The following LARS1 variants were observed in gnomAD, a reference collection of about 807,000 sequenced individuals.
LARS1 encodes leucine--tRNA ligase, cytoplasmic.
A neutral mutation model predicts 162.8 loss-of-function variants in LARS1; 100 were observed. The ratio of observed to expected loss-of-function variants is 0.61; its 90% CI spans 0.52 to 0.73. The LOEUF is 0.73. Ranked by LOEUF, LARS1 falls within the 30% of genes least tolerant of loss-of-function variation. The pLI is 0.00. For synonymous variants in LARS1, 457 were observed against 462.8 expected (o/e 0.99, Z 0.16); for missense variants, 1,258 against 1,408.9 (o/e 0.89, Z 1.71).
In LARS1 at chr5:146,157,749, T is replaced by C; in HGVS notation, c.818A>G (p.Glu273Gly). 3.1e-6 allele frequency: 5 copies of C among 1,614,132 alleles called. No homozygotes were observed. Among genetic ancestry groups the C allele is most frequent in the Non-Finnish European group, 3.4e-6 (4 of 1,180,008 alleles). Residue 273 changes from glutamate to glycine, a missense_variant, in exon 9 of 32, where the codon GAG becomes GGG. By Grantham distance (98) the Glu-to-Gly change is moderately conservative. Transcript: ENST00000394434. ...EYTLLKLKVL[E>G]PYPSKLSGLK... is the part of the protein sequence containing the mutation. ...CTACCTTAATTTAGATGGGTATGGC[T>C]CAAGCACCTTCAATTTGAGTAAAGT...
At chr5:146,153,836 T>A (rs1377374943) in intron 11 of LARS1, 26 bp from the exon 12 acceptor site, 1 of 1,611,344 alleles carries the variant, frequency 6.2e-7, no homozygotes, top group Admixed American at 1.7e-5. Flanking sequence ...GTGGAATTAA[T>A]AACTAGAACC....
rs752664393 is a variant in LARS1, at chr5:146,144,719, G to A, written c.1504-10C>T. 1.0e-5 allele frequency: 16 copies of A among 1,607,230 alleles called. No homozygotes were observed. The highest frequency in any genetic ancestry group is 1.4e-5 in the Non-Finnish European group (16 of 1,174,446). On this transcript the variant is annotated splice_polypyrimidine_tract_variant and intron_variant, in intron 15 of 31. Transcript: ENST00000394434. ...AAATAAGTGCATCTCCCTAAAGGAA[G>A]GTAAATAAACATACATTAGATACTA...
At chr5:146,121,202 C>T (rs1751804699) in intron 30 of LARS1, among the ~76,000 whole-genome samples, 1 of 152,140 alleles carries the variant, frequency 6.6e-6, no homozygotes, top group Non-Finnish European at 1.5e-5. Context: ...ATGCTAAATT[C>T]AGGAGGTATC....
chr5:146,180,895 C>G (rs1264773950), intron 1 of LARS1: 1 of 152,218 alleles, frequency 6.6e-6, no homozygotes, highest in Non-Finnish European at 1.5e-5. Context: ...GTCCTGTGCA[C>G]TGCAGGATGT....
rs149528932 is a variant in LARS1, at chr5:146,116,942, A to G, written c.3326-2631T>C. The stretch of plus-strand genomic sequence containing the variant: ...TCCATCTCATATACTGAATATACTC[A>G]GGCCTTTTAGATATCAAGGCATCCT... On this transcript the variant is annotated intron_variant, in intron 31 of 31. Coordinates refer to ENST00000394434, the MANE Select transcript of LARS1 (RefSeq NM_020117.11). Among the ~76,000 whole-genome samples the G allele has an allele frequency of 9.8e-4, 149 of 152,350 alleles. 1 individual carries two copies. The highest frequency in any genetic ancestry group is 6.0e-3 in the South Asian group (29 of 4,828).
chr5:146,141,675 T>A (rs1203474548), intron 20 of LARS1, among the ~76,000 whole-genome samples: 1 of 151,756 alleles, frequency 6.6e-6, no homozygotes, highest in Non-Finnish European at 1.5e-5. Flanking sequence ...CAAGGTGACA[T>A]GTGGCTAGTC....
intron 8 of LARS1, 117 bp from the exon 9 acceptor site, chr5:146,157,912 T>C (rs1189969091): frequency 4.2e-6 from 4 of 953,808 alleles, no homozygotes; most frequent in East Asian, 2.5e-5. Context: ...TTATTAATTT[T>C]TTTTTGCAGA....
At chr5:146,133,697 A>AG in intron 22 of LARS1, among the ~76,000 whole-genome samples, 1 of 150,532 alleles carries the variant, frequency 6.6e-6, no homozygotes, top group East Asian at 1.9e-4. Context: ...GGTTGCAAAA[A>AG]AAAAAAAAAA....
At chr5:146,159,514 C>T (rs772673064) in intron 7 of LARS1, 44 bp from the exon 8 acceptor site, 11 of 1,431,712 alleles carry the variant, frequency 7.7e-6, no homozygotes, top group Middle Eastern at 1.8e-4. Flanking sequence ...ATAATATTCA[C>T]GTTTTATCCT....
In LARS1 at chr5:146,114,002, C is replaced by A. The variant is rs903639360; in HGVS notation, c.*104G>T. Reference sequence around the variant, plus strand: ...AGAATTGGATGGTTAGAAATGAAATCAATCTATTTAGGTCCAGCCTAAGGT... The same window carrying A: ...AGAATTGGATGGTTAGAAATGAAATAAATCTATTTAGGTCCAGCCTAAGGT... On this transcript the variant is annotated 3_prime_UTR_variant, in exon 32 of 32. Coordinates refer to ENST00000394434, the MANE Select transcript of LARS1 (RefSeq NM_020117.11). The A allele has an allele frequency of 4.5e-5, 37 of 814,660 alleles. No individual in the cohort carries two copies. Among genetic ancestry groups the A allele is most frequent in the African/African-American group, 8.5e-5 (5 of 58,814 alleles). 50.5% of individuals were successfully genotyped at this position (814,660 alleles called of 1,614,324 possible).
At chr5:146,120,979 G>C (rs1044935876) in intron 30 of LARS1, among the ~76,000 whole-genome samples, 1 of 152,112 alleles carries the variant, frequency 6.6e-6, no homozygotes, top group East Asian at 1.9e-4. Context: ...AAGCTACATA[G>C]TCCAGAACCC....
At chr5:146,126,833 CTTG>C (rs1342414279) in intron 27 of LARS1, among the ~76,000 whole-genome samples, 1 of 152,056 alleles carries the variant, frequency 6.6e-6, no homozygotes, top group African/African-American at 2.4e-5. Context: ...CTCATAAAAA[CTTG>C]TTTTCAAATT....
chr5:146,147,382 T>C (rs956028279), intron 15 of LARS1, among the ~76,000 whole-genome samples: 9 of 149,732 alleles, frequency 6.0e-5, no homozygotes. Context: ...CTGGGCAATA[T>C]GGCAAGACCC....
chr5:146,124,810 G>A (rs563910243), intron 28 of LARS1, among the ~76,000 whole-genome samples: 1 of 151,842 alleles, frequency 6.6e-6, no homozygotes, highest in East Asian at 1.9e-4. Flanking sequence ...TTTTTCTCAT[G>A]GAAGTGCTAG....
Position 146,131,052 on chromosome 5 carries a change from T to C in LARS1, c.2454A>G (p.Lys818=), listed in dbSNP as rs941402971. 3.1e-6 allele frequency: 5 copies of C among 1,599,320 alleles called. No individual in the cohort carries two copies. The African/African-American group carries it at 6.7e-5, about 22-fold the overall frequency. The change falls in exon 24 of 32, where the codon AAA becomes AAG. Residue 818 remains lysine (K), a synonymous_variant. Coordinates refer to ENST00000394434, the MANE Select transcript of LARS1 (RefSeq NM_020117.11). ...CAAAAAACCCTGTTTTCAAAGCTTC[T>C]TTAAACATCATCTTTTCATAGTTTT... is the stretch of plus-strand genomic sequence containing the variant. ...TDQNYEKMMF[K]EALKTGFFEF... is the part of the protein sequence containing the mutation.
chr5:146,126,469 A>T lies in LARS1; in HGVS notation c.2957T>A (p.Met986Lys), dbSNP rs992681985. Reference sequence around the variant, plus strand: ...GGCAACAAATGGCATGACTTTCTTCATGTATTTCTTCAGTTCTGGCATACT... The same window carrying T: ...GGCAACAAATGGCATGACTTTCTTCTTGTATTTCTTCAGTTCTGGCATACT... ...LGSMPELKKY[M>K]KKVMPFVAMI... Residue 986 changes from methionine to lysine, a missense_variant, in exon 28 of 32, where the codon ATG becomes AAG. Met to Lys is a moderately conservative substitution (Grantham distance 95). Coordinates refer to ENST00000394434, the MANE Select transcript of LARS1 (RefSeq NM_020117.11). 1 of 1,611,974 alleles carries T rather than the reference A, an allele frequency of 6.2e-7. No individual in the cohort carries two copies. The highest frequency in any genetic ancestry group is 1.3e-5 in the African/African-American group (1 of 74,838).
At chr5:146,140,631 C>G (rs2126470509) in intron 20 of LARS1, among the ~76,000 whole-genome samples, 1 of 152,256 alleles carries the variant, frequency 6.6e-6, no homozygotes, top group African/African-American at 2.4e-5. Flanking sequence ...GAGGGTGAAG[C>G]CCCATCTCTA....
chr5:146,133,537 G>A (rs1752382171), intron 22 of LARS1, among the ~76,000 whole-genome samples: 1 of 151,910 alleles, frequency 6.6e-6, no homozygotes, highest in African/African-American at 2.4e-5. Context: ...TTTGAAACTA[G>A]GTTCTTACAA....
intron 31 of LARS1, among the ~76,000 whole-genome samples, chr5:146,119,842 T>G (rs1751740897): frequency 2.0e-5 from 3 of 152,196 alleles, no homozygotes; most frequent in Admixed American, 2.0e-4. Flanking sequence ...AAACAAACTT[T>G]GCAAGTTACT....
Sources: allele counts gnomAD v4.1 joint callset (sites outside exome capture counted in the v4.1 genomes callset), GRCh38; gene constraint gnomAD v4.1.1; transcripts MANE v1.5; gene names NCBI Gene and HGNC (gene_info 2026-07-23, HGNC 2026-07-21).